SGCZ: variants seen among roughly 807,000 people sequenced by gnomAD.
The protein encoded by SGCZ is sarcoglycan zeta.
A neutral mutation model predicts 41.3 loss-of-function variants in SGCZ; 40 were observed. The observed-to-expected ratio is 0.97, with a 90% confidence interval of 0.75 to 1.26. SGCZ has a LOEUF of 1.26. SGCZ is among the 50% of genes most tolerant of loss of function. The pLI, the probability that SGCZ is intolerant of heterozygous loss-of-function variation, is 0.00. For missense variants in SGCZ, 552 were observed against 369.8 expected, an observed-to-expected ratio of 1.49 and a Z score of -4.04; for synonymous variants, 206 against 137.5, an observed-to-expected ratio of 1.50 and a Z score of -3.49.
chr8:14,851,848 C>T (rs1294452602), intron 1 of SGCZ, among the ~76,000 whole-genome samples: 1 of 151,972 alleles, frequency 6.6e-6, no homozygotes, highest in African/African-American at 2.4e-5. Flanking sequence ...CATTTCATGA[C>T]TTTTCCTCCG....
chr8:14,447,083 G>C lies in SGCZ; in HGVS notation c.234+107649C>G, dbSNP rs540851299. On this transcript the variant is annotated intron_variant, in intron 2 of 7. Transcript: ENST00000382080. Reference sequence around the variant, plus strand: ...ATTTTCCAGAAAATATATGTTCTTAGAGTACATGAATTTTCTTTAGTCAAT... The same window carrying C: ...ATTTTCCAGAAAATATATGTTCTTACAGTACATGAATTTTCTTTAGTCAAT... 2.4e-4 allele frequency among the ~76,000 whole-genome samples: 36 copies of C among 152,208 alleles called. No individual in the cohort carries two copies. The South Asian group carries it at 7.5e-3, about 32-fold the overall frequency.
chr8:14,975,653 T>C (rs899577980), intron 1 of SGCZ, among the ~76,000 whole-genome samples: 1 of 152,082 alleles, frequency 6.6e-6, no homozygotes, highest in East Asian at 1.9e-4. Context: ...GGACTCAGTG[T>C]ATATCTCAGG....
At chr8:14,715,197 G>C (rs1314084875) in intron 1 of SGCZ, among the ~76,000 whole-genome samples, 1 of 152,060 alleles carries the variant, frequency 6.6e-6, no homozygotes, top group Non-Finnish European at 1.5e-5. Context: ...GGTTGAGAGT[G>C]AATACCTAAC....
Position 14,551,561 on chromosome 8 carries a change from ATATATATAAT to A in SGCZ, c.234+3161_234+3170del, listed in dbSNP as rs1803851778. Among the ~76,000 whole-genome samples, 9 of 17,904 alleles carry A rather than the reference ATATATATAAT, an allele frequency of 5.0e-4. 1 individual carries two copies. The highest frequency in any genetic ancestry group is 2.5e-3 in the African/African-American group (7 of 2,816). 11.7% of individuals were successfully genotyped at this position (17,904 alleles called of 152,430 possible). A position where few individuals can be genotyped will look rare whatever the true frequency, so the allele number is the denominator to read the frequency against. On this transcript the variant is annotated intron_variant, in intron 2 of 7. Transcript: ENST00000382080. ...ATATATAATATATATAATATATATTATATATATAATATATATATAATATATATAATATATA... is the reference window on the plus strand; with the variant it reads ...ATATATAATATATATAATATATATTAATATATATAATATATATAATATATA...
At chr8:14,602,575 A>G (rs1805628005) in intron 1 of SGCZ, among the ~76,000 whole-genome samples, 1 of 152,168 alleles carries the variant, frequency 6.6e-6, no homozygotes, top group African/African-American at 2.4e-5. Context: ...GCACATATCA[A>G]TGAATAGCCT....
intron 2 of SGCZ, among the ~76,000 whole-genome samples, chr8:14,486,587 C>T (rs184070245): frequency 2.0e-5 from 3 of 152,280 alleles, no homozygotes; most frequent in East Asian, 1.9e-4. Context: ...TGTGCGCGCG[C>T]GTGCGCACGT....
chr8:14,483,563 C>T (rs1055759491), intron 2 of SGCZ, among the ~76,000 whole-genome samples: 2 of 152,092 alleles, frequency 1.3e-5, no homozygotes, highest in African/African-American at 2.4e-5. Flanking sequence ...AGAGTGACAC[C>T]CTGTCTCAGA....
intron 1 of SGCZ, among the ~76,000 whole-genome samples, chr8:14,872,523 G>A (rs145427533): frequency 9.2e-5 from 14 of 152,150 alleles, no homozygotes; most frequent in Non-Finnish European, 8.8e-5. Context: ...TTTTATGAGA[G>A]CTGAAAAGTT....
chr8:14,362,800 G>T (rs145437750), intron 2 of SGCZ, among the ~76,000 whole-genome samples: 1 of 151,464 alleles, frequency 6.6e-6, no homozygotes, highest in African/African-American at 2.4e-5. Context: ...GCTGTAGACC[G>T]GAGCTGTTCC....
chr8:14,884,163 C>T (rs76661793), intron 1 of SGCZ, among the ~76,000 whole-genome samples: 7,617 of 152,140 alleles, frequency 0.05, 231 homozygotes, highest in Non-Finnish European at 0.061. Context: ...ACAATCACAA[C>T]GTTTCTCTAA....
chr8:14,562,486 G>A (rs968912305), intron 1 of SGCZ, among the ~76,000 whole-genome samples: 62 of 152,088 alleles, frequency 4.1e-4, no homozygotes, highest in African/African-American at 1.4e-3. Context: ...GTTAATTAGT[G>A]ATAGATATTA....
At chr8:14,296,354 A>G (rs1801012692) in intron 3 of SGCZ, among the ~76,000 whole-genome samples, 1 of 152,190 alleles carries the variant, frequency 6.6e-6, no homozygotes, top group South Asian at 2.1e-4. Flanking sequence ...AGCATATAGT[A>G]TAAGAAATAC....
intron 1 of SGCZ, among the ~76,000 whole-genome samples, chr8:14,870,974 G>A (rs866014978): frequency 2.6e-5 from 4 of 151,914 alleles, no homozygotes; most frequent in South Asian, 4.1e-4. Flanking sequence ...TTGGGAGGCC[G>A]AGGCAGGAGG....
chr8:15,233,981 A>G lies in SGCZ; in HGVS notation c.39+3604T>C, dbSNP rs189488404. Among the ~76,000 whole-genome samples the G allele has an allele frequency of 2.2e-4, 34 of 152,324 alleles. No individual in the cohort carries two copies. In the East Asian group the frequency reaches 3.5e-3, roughly 16 times the overall value. ...AAATAAATTCTTAGCATCTGAAAGC[A>G]TGACTTAATTGCCAAATTAATACAG... is the stretch of plus-strand genomic sequence containing the variant. On this transcript the variant is annotated intron_variant, in intron 1 of 7. Coordinates refer to ENST00000382080, the MANE Select transcript of SGCZ (RefSeq NM_139167.4).
chr8:14,649,882 T>C (rs1194781174), intron 1 of SGCZ, among the ~76,000 whole-genome samples: 1 of 151,966 alleles, frequency 6.6e-6, no homozygotes, highest in Non-Finnish European at 1.5e-5. Context: ...CCAGTCAGCC[T>C]AGAAATAGCT....
chr8:14,885,988 TATATATATATATA>T (rs1804780710), intron 1 of SGCZ, among the ~76,000 whole-genome samples: 3 of 13,244 alleles, frequency 2.3e-4, no homozygotes, highest in Non-Finnish European at 3.4e-4. Flanking sequence ...CTTTATGTTA[TATATATATATATA>T]TATATATATA....
chr8:14,514,467 A>G (rs1585617746), intron 2 of SGCZ, among the ~76,000 whole-genome samples: 1 of 151,942 alleles, frequency 6.6e-6, no homozygotes. Context: ...AAGAATATGT[A>G]TACATTAAGG....
chr8:14,502,054 A>G (rs1165688624), intron 2 of SGCZ, among the ~76,000 whole-genome samples: 4 of 152,112 alleles, frequency 2.6e-5, no homozygotes, highest in African/African-American at 9.7e-5. Context: ...TTATTCTAAT[A>G]AGTGGTAACA....
At chr8:15,145,893 C>T (rs557849464) in intron 1 of SGCZ, among the ~76,000 whole-genome samples, 1 of 152,098 alleles carries the variant, frequency 6.6e-6, no homozygotes, top group African/African-American at 2.4e-5. Flanking sequence ...TCCTCTGCCT[C>T]CCTAGAACTT....
Sources: allele counts gnomAD v4.1 joint callset (sites outside exome capture counted in the v4.1 genomes callset), GRCh38; gene constraint gnomAD v4.1.1; transcripts MANE v1.5; gene names NCBI Gene and HGNC (gene_info 2026-07-23, HGNC 2026-07-21).